PDE1A: variants seen among roughly 807,000 people sequenced by gnomAD.
PDE1A encodes the protein dual specificity calcium/calmodulin-dependent 3',5'-cyclic nucleotide phosphodiesterase 1A.
In PDE1A, 35 loss-of-function variants were observed where a neutral mutation model predicts 61.7. The observed-to-expected ratio is 0.57, with a 90% CI of 0.43 to 0.75. The LOEUF (loss-of-function observed/expected upper bound fraction) is 0.75. PDE1A is among the 30% of genes least tolerant of loss of function. The pLI, the probability that PDE1A is intolerant of heterozygous loss-of-function variation, is 0.00. For synonymous variants in PDE1A, 232 were observed against 213.2 expected (o/e 1.09, Z -0.77); for missense variants, 597 against 630.6 (o/e 0.95, Z 0.57).
At chr2:182,527,395 T>C (rs1690796082), upstream of PDE1A, among the ~76,000 whole-genome samples, 1 of 94,284 alleles carries the variant, frequency 1.1e-5, no homozygotes, top group East Asian at 3.5e-4. Flanking sequence ...TATACACACA[T>C]ATATATACAC....
chr2:182,421,288 A>G (rs1378822831), intron 1 of PDE1A, among the ~76,000 whole-genome samples: 2 of 152,190 alleles, frequency 1.3e-5, no homozygotes, highest in Non-Finnish European at 2.9e-5. Context: ...ATAAATGTAC[A>G]TGTCATCAAG....
At chr2:182,174,523 A>G (rs1692547560) in intron 13 of PDE1A, among the ~76,000 whole-genome samples, 1 of 152,080 alleles carries the variant, frequency 6.6e-6, no homozygotes. Flanking sequence ...TGTTTCTTGC[A>G]TTTATTTGTA....
At chr2:182,436,106 T>A (rs1412600170) in intron 2 of PDE1A, among the ~76,000 whole-genome samples, 3 of 152,020 alleles carry the variant, frequency 2.0e-5, no homozygotes, top group Non-Finnish European at 2.9e-5. Flanking sequence ...GTTACAACAC[T>A]TATTACCTTT....
chr2:182,498,673 G>A (rs757560416), intron 2 of PDE1A, among the ~76,000 whole-genome samples: 53 of 152,104 alleles, frequency 3.5e-4, no homozygotes, highest in Non-Finnish European at 6.6e-4. Flanking sequence ...GGCCGGGCGC[G>A]GTAGCTGACA....
At chr2:182,186,076 T>C (rs752058093) in exon 13 of PDE1A, 9 of 1,613,472 alleles carry the variant, frequency 5.6e-6, no homozygotes, top group Admixed American at 1.7e-5. Context: ...CAATGGTGGT[T>C]GAGCTAACAG....
At chr2:182,351,690 A>G (rs558425063) in intron 1 of PDE1A, among the ~76,000 whole-genome samples, 13 of 152,316 alleles carry the variant, frequency 8.5e-5, no homozygotes, top group African/African-American at 3.1e-4. Flanking sequence ...TTTGTGATCA[A>G]TCATAGCAAT....
the PDE1A span, among the ~76,000 whole-genome samples, chr2:182,636,549 C>T: frequency 1.3e-5 from 2 of 152,126 alleles, no homozygotes; most frequent in African/African-American, 4.8e-5. Flanking sequence ...GAGAAAAAAA[C>T]CCATTTAGCA....
the PDE1A span, among the ~76,000 whole-genome samples, chr2:182,626,884 C>T: frequency 0.13 from 2,353 of 18,240 alleles, 349 homozygotes; most frequent in Middle Eastern, 0.21. Flanking sequence ...TATATATATA[C>T]ACATATATAT....
intron 10 of PDE1A, among the ~76,000 whole-genome samples, chr2:182,198,737 A>G (rs1686352722): frequency 6.6e-6 from 1 of 151,910 alleles, no homozygotes; most frequent in Admixed American, 6.6e-5. Context: ...AAAATTAAAA[A>G]AAAATTTCTC....
the PDE1A span, among the ~76,000 whole-genome samples, chr2:182,678,207 G>C: frequency 1.3e-5 from 2 of 152,312 alleles, no homozygotes; most frequent in Non-Finnish European, 2.9e-5. Context: ...GGCGGATCAT[G>C]AGGTCAGGGG....
chr2:182,492,779 A>G (rs1246823944), intron 2 of PDE1A, among the ~76,000 whole-genome samples: 4 of 152,232 alleles, frequency 2.6e-5, no homozygotes, highest in Non-Finnish European at 5.9e-5. Context: ...TTTTTAAAAC[A>G]AGGCTAACTA....
intron 1 of PDE1A, among the ~76,000 whole-genome samples, chr2:182,269,835 C>A (rs1426118532): frequency 6.6e-6 from 1 of 152,050 alleles, no homozygotes; most frequent in Non-Finnish European, 1.5e-5. Flanking sequence ...CAAGTGTATA[C>A]CTGTGTCTGC....
At chr2:182,302,923 A>C (rs833127) in intron 1 of PDE1A, among the ~76,000 whole-genome samples, 141,704 of 152,278 alleles carry the variant, frequency 0.93, 66,493 homozygotes, top group East Asian at 0.99. Flanking sequence ...CTCACGCATA[A>C]GAAGCAACTC....
chr2:182,265,527 T>C (rs778329109), intron 1 of PDE1A, among the ~76,000 whole-genome samples: 4 of 152,116 alleles, frequency 2.6e-5, no homozygotes, highest in Admixed American at 6.6e-5. Context: ...TGTGTCCCAA[T>C]GCTCTGAGGA....
chr2:182,264,129 A>T (rs1430984086), intron 2 of PDE1A, among the ~76,000 whole-genome samples, 172 bp downstream of exon 2: 1 of 152,192 alleles, frequency 6.6e-6, no homozygotes. Context: ...AGAGAATCAT[A>T]GTCCAGTTAA....
the PDE1A span, among the ~76,000 whole-genome samples, chr2:182,696,246 T>A: frequency 6.6e-6 from 1 of 152,216 alleles, no homozygotes; most frequent in Admixed American, 6.5e-5. Context: ...GGAAATAAAC[T>A]ATAGTACATC....
At chr2:182,473,959 G>A (rs1403823717) in intron 2 of PDE1A, among the ~76,000 whole-genome samples, 2 of 151,914 alleles carry the variant, frequency 1.3e-5, no homozygotes, top group African/African-American at 2.4e-5. Flanking sequence ...ACATGTGCAT[G>A]TATCTCTATA....
chr2:182,349,018 C>T (rs1395092713), intron 1 of PDE1A, among the ~76,000 whole-genome samples: 1 of 152,006 alleles, frequency 6.6e-6, no homozygotes, highest in Non-Finnish European at 1.5e-5. Context: ...TAGGCATCTC[C>T]AATAAGGATC....
the PDE1A span, among the ~76,000 whole-genome samples, chr2:182,622,652 C>T: frequency 6.6e-6 from 1 of 152,120 alleles, no homozygotes; most frequent in Admixed American, 6.5e-5. Flanking sequence ...TACATCCAAG[C>T]TGCCGATTAT....
Sources: allele counts gnomAD v4.1 joint callset (sites outside exome capture counted in the v4.1 genomes callset), GRCh38; gene constraint gnomAD v4.1.1; transcripts MANE v1.5; gene names NCBI Gene and HGNC (gene_info 2026-07-23, HGNC 2026-07-21).